Variants in ASIC2 observed in about 807,000 individuals in gnomAD.
ASIC2 encodes the protein acid-sensing ion channel 2.
In ASIC2, 25 loss-of-function variants were observed where a neutral mutation model predicts 57.3. That is an observed-to-expected ratio of 0.44 (90% CI 0.32 to 0.61). The LOEUF is 0.61. Ranked by LOEUF, ASIC2 falls within the 20% of genes least tolerant of loss-of-function variation. The pLI is 0.06. For synonymous variants in ASIC2, 319 were observed against 307.5 expected, an observed-to-expected ratio of 1.04 and a Z score of -0.39; for missense variants, 641 against 738.1, an observed-to-expected ratio of 0.87 and a Z score of 1.52.
At chr17:33,221,755 CT>C (rs201832741) in intron 1 of ASIC2, among the ~76,000 whole-genome samples, 17 of 151,560 alleles carry the variant, frequency 1.1e-4, no homozygotes, top group South Asian at 8.4e-4. Context: ...TCGTAAGATA[CT>C]TTTTTTTTCT....
intron 1 of ASIC2, among the ~76,000 whole-genome samples, chr17:33,571,279 A>T (rs762992533): frequency 2.0e-5 from 3 of 152,170 alleles, no homozygotes; most frequent in Non-Finnish European, 2.9e-5. Context: ...TCTGCACATC[A>T]TCCTGTCGCA....
chr17:33,462,827 T>C (rs1401388094), intron 1 of ASIC2, among the ~76,000 whole-genome samples: 1 of 152,198 alleles, frequency 6.6e-6, no homozygotes, highest in East Asian at 1.9e-4. Context: ...ATGTAGTTAG[T>C]GTTTCCCTGC....
At chr17:33,957,742 T>C (rs534610530) in intron 1 of ASIC2, among the ~76,000 whole-genome samples, 2 of 152,252 alleles carry the variant, frequency 1.3e-5, no homozygotes, top group Admixed American at 6.5e-5. Context: ...ATTCCACTCC[T>C]GGCCCCTCCC....
intron 1 of ASIC2, among the ~76,000 whole-genome samples, chr17:34,146,126 T>C (rs1272484395): frequency 6.6e-6 from 1 of 152,110 alleles, no homozygotes; most frequent in Non-Finnish European, 1.5e-5. Context: ...CAAACAACTC[T>C]AAGGGGAACA....
chr17:33,380,459 T>A (rs543982868), intron 1 of ASIC2, among the ~76,000 whole-genome samples: 9 of 152,134 alleles, frequency 5.9e-5, no homozygotes, highest in African/African-American at 1.9e-4. Flanking sequence ...CTTCATCTTA[T>A]GCAGGAGAAA....
At chr17:33,444,628 A>C (rs1911948414) in intron 1 of ASIC2, among the ~76,000 whole-genome samples, 1 of 152,088 alleles carries the variant, frequency 6.6e-6, no homozygotes, top group Admixed American at 6.5e-5. Context: ...GTGTTAGGGT[A>C]GTGTAGGGAT....
At chr17:33,435,020 T>C (rs1911558485) in intron 1 of ASIC2, among the ~76,000 whole-genome samples, 2 of 152,200 alleles carry the variant, frequency 1.3e-5, no homozygotes, top group Non-Finnish European at 2.9e-5. Flanking sequence ...TCTAATCTTA[T>C]CTCCTAAGTA....
chr17:33,697,937 T>C (rs1908580297), intron 1 of ASIC2, among the ~76,000 whole-genome samples: 1 of 152,256 alleles, frequency 6.6e-6, no homozygotes, highest in African/African-American at 2.4e-5. Context: ...ATTTTGGTTG[T>C]ACTGCACGTT....
intron 1 of ASIC2, among the ~76,000 whole-genome samples, chr17:34,006,943 G>A (rs566322096): frequency 4.6e-5 from 7 of 152,262 alleles, no homozygotes; most frequent in African/African-American, 1.7e-4. Flanking sequence ...CAGCTAAAAC[G>A]CCTGATCATC....
At chr17:33,105,144 G>A (rs538973118) in intron 2 of ASIC2, among the ~76,000 whole-genome samples, 1 of 152,262 alleles carries the variant, frequency 6.6e-6, no homozygotes, top group Non-Finnish European at 1.5e-5. Flanking sequence ...AAACAATAAG[G>A]AAATGAAGGT....
chr17:33,866,010 C>G (rs961634568), intron 1 of ASIC2, among the ~76,000 whole-genome samples: 1 of 152,108 alleles, frequency 6.6e-6, no homozygotes. Context: ...GAATCATACA[C>G]TGTATTTTGT....
chr17:33,095,906 G>T (rs2092176997), intron 2 of ASIC2, among the ~76,000 whole-genome samples: 1 of 152,222 alleles, frequency 6.6e-6, no homozygotes, highest in Non-Finnish European at 1.5e-5. Context: ...AGACAAATGG[G>T]CCTGGAGTGT....
At chr17:33,457,040 T>G (rs1049027570) in intron 1 of ASIC2, among the ~76,000 whole-genome samples, 2 of 152,184 alleles carry the variant, frequency 1.3e-5, no homozygotes, top group African/African-American at 2.4e-5. Flanking sequence ...GCTAATTAAT[T>G]TCTTTAAGCT....
At chr17:33,407,051 TTTAG>T (rs1358801378) in intron 1 of ASIC2, among the ~76,000 whole-genome samples, 3 of 152,208 alleles carry the variant, frequency 2.0e-5, no homozygotes, top group African/African-American at 7.2e-5. Context: ...AGCCATGTAA[TTTAG>T]TTATTTAGTT....
chr17:34,021,521 C>T (rs913550597), intron 1 of ASIC2, among the ~76,000 whole-genome samples: 4 of 152,202 alleles, frequency 2.6e-5, no homozygotes, highest in Non-Finnish European at 5.9e-5. Context: ...TTTAGTCTTG[C>T]CAGTGACTGG....
intron 1 of ASIC2, among the ~76,000 whole-genome samples, chr17:33,797,500 T>C (rs923633): frequency 0.56 from 84,799 of 152,034 alleles, 24,676 homozygotes; most frequent in Non-Finnish European, 0.65. Flanking sequence ...TATCTTATAA[T>C]TGTTGTTGTC....
chr17:33,208,433 C>T (rs1269124969), intron 1 of ASIC2, among the ~76,000 whole-genome samples: 2 of 152,158 alleles, frequency 1.3e-5, no homozygotes, highest in Non-Finnish European at 2.9e-5. Flanking sequence ...CTTCTGCTCC[C>T]TGAACACCTG....
intron 1 of ASIC2, among the ~76,000 whole-genome samples, chr17:33,790,289 C>T (rs562864404): frequency 6.6e-6 from 1 of 152,030 alleles, no homozygotes; most frequent in African/African-American, 2.4e-5. Flanking sequence ...ATTTTTTTGA[C>T]CAACTATGCT....
At chr17:34,099,395 AAAG>A (rs1467444654) in intron 1 of ASIC2, among the ~76,000 whole-genome samples, 1 of 127,858 alleles carries the variant, frequency 7.8e-6, no homozygotes, top group Non-Finnish European at 1.6e-5. Flanking sequence ...AAAGAGGAAA[AAAG>A]AGAGGAAGGA....
Sources: allele counts gnomAD v4.1 joint callset (sites outside exome capture counted in the v4.1 genomes callset), GRCh38; gene constraint gnomAD v4.1.1; transcripts MANE v1.5; gene names NCBI Gene and HGNC (gene_info 2026-07-23, HGNC 2026-07-21).